The following EDN3 variants were observed in gnomAD, a reference collection of about 807,000 sequenced individuals.
EDN3 encodes the protein endothelin 3, also known as endothelin-3.
EDN3 carries 9 observed loss-of-function variants against 21.4 expected under a neutral mutation model. That is an observed-to-expected ratio of 0.42 (90% CI 0.25 to 0.73). The LOEUF (loss-of-function observed/expected upper bound fraction) is 0.73, where lower values mean the gene tolerates loss of function less well. EDN3 is among the 30% of genes least tolerant of loss of function. EDN3 has a pLI of 0.26. For missense variants in EDN3, 327 were observed against 309.4 expected (o/e 1.06, Z -0.43); for synonymous variants, 133 against 126.2 (o/e 1.05, Z -0.36).
chr20:59,322,582 G>A lies in EDN3; in HGVS notation c.588+165G>A, dbSNP rs529367146. 29 of 966,184 alleles carry A rather than the reference G, an allele frequency of 3.0e-5. No homozygotes were observed. Among genetic ancestry groups the A allele is most frequent in the Middle Eastern group, 3.0e-4 (1 of 3,286 alleles). 59.9% of individuals were successfully genotyped at this position (966,184 alleles called of 1,614,324 possible). A position where few individuals can be genotyped will look rare whatever the true frequency, so the allele number is the denominator to read the frequency against. On this transcript the variant is annotated intron_variant, in intron 4 of 4. Coordinates refer to ENST00000337938, the MANE Select transcript of EDN3 (RefSeq NM_207034.3). The surrounding 1 kb of genome is among the most constrained non-coding windows in gnomAD (Gnocchi z 4.1). ...ACCCACAAGCAATGGTGCCTTTGGTGGACCGTTTCTGGGGGCAGAGCGGGC... is the reference window on the plus strand; with the variant it reads ...ACCCACAAGCAATGGTGCCTTTGGTAGACCGTTTCTGGGGGCAGAGCGGGC...
intron 2 of EDN3, among the ~76,000 whole-genome samples, chr20:59,306,567 T>C (rs930313223): frequency 8.6e-5 from 12 of 138,780 alleles, no homozygotes; most frequent in African/African-American, 2.8e-4. Context: ...TTCTTTTGAG[T>C]TTTTTTCTCC....
chr20:59,315,189 A>G (rs1990097087), intron 2 of EDN3, among the ~76,000 whole-genome samples: 1 of 152,180 alleles, frequency 6.6e-6, no homozygotes, highest in Non-Finnish European at 1.5e-5. Context: ...TCTGAAATTG[A>G]GCTGTAGTTA....
chr20:59,320,523 C>G (rs950270136), intron 2 of EDN3, among the ~76,000 whole-genome samples: 1 of 152,182 alleles, frequency 6.6e-6, no homozygotes, highest in Non-Finnish European at 1.5e-5. Flanking sequence ...CTCGGCTTTC[C>G]ATGGAATGAG....
At chr20:59,324,162 C>G (rs555404954) in intron 4 of EDN3, among the ~76,000 whole-genome samples, 169 bp from the exon 5 acceptor site, 1 of 152,150 alleles carries the variant, frequency 6.6e-6, no homozygotes, top group Non-Finnish European at 1.5e-5. Context: ...GTGGTAGGCT[C>G]GGAAATTGCT....
intron 1 of EDN3, 64 bp downstream of exon 1, chr20:59,300,928 G>A (rs1177840411): frequency 8.9e-6 from 14 of 1,571,126 alleles, no homozygotes; most frequent in Non-Finnish European, 1.2e-5. Context: ...CAGGGCGGGG[G>A]ACCCGAGGCG....
chr20:59,314,703 C>T (rs776193905), intron 2 of EDN3, among the ~76,000 whole-genome samples: 6 of 152,090 alleles, frequency 3.9e-5, no homozygotes, highest in Non-Finnish European at 7.3e-5. Flanking sequence ...CCCCAGAGAC[C>T]TCACACAATG....
At chr20:59,301,776 G>A (rs1000926248) in intron 2 of EDN3, 54 bp downstream of exon 2, 25 of 1,589,890 alleles carry the variant, frequency 1.6e-5, no homozygotes, top group Non-Finnish European at 2.0e-5. Context: ...GCCCACATCT[G>A]CTCATTCCCA....
chr20:59,323,487 A>G (rs1990669226), intron 4 of EDN3, among the ~76,000 whole-genome samples: 1 of 152,224 alleles, frequency 6.6e-6, no homozygotes, highest in Non-Finnish European at 1.5e-5. Flanking sequence ...TGCTGGGGAC[A>G]TAGCAGGAAC....
intron 2 of EDN3, among the ~76,000 whole-genome samples, chr20:59,302,015 T>A (rs1989082514): frequency 6.6e-6 from 1 of 152,156 alleles, no homozygotes; most frequent in Non-Finnish European, 1.5e-5. Context: ...GGGGATTAGA[T>A]ACCTGAGATG....
chr20:59,315,475 G>C (rs746725140), intron 2 of EDN3, among the ~76,000 whole-genome samples: 2 of 152,246 alleles, frequency 1.3e-5, no homozygotes, highest in Non-Finnish European at 2.9e-5. Context: ...TGTATCCTAA[G>C]TGTGACATGA....
chr20:59,301,863 G>T, intron 2 of EDN3, 141 bp downstream of exon 2: 1 of 987,998 alleles, frequency 1.0e-6, no homozygotes. Flanking sequence ...TCTTGCTGGG[G>T]CCTCTTGCCA....
intron 2 of EDN3, among the ~76,000 whole-genome samples, chr20:59,320,417 G>A (rs1990454336): frequency 6.6e-6 from 1 of 152,220 alleles, no homozygotes; most frequent in Non-Finnish European, 1.5e-5. Flanking sequence ...ATCTGATCAG[G>A]GCGAAGACCC....
At chr20:59,314,114 G>A (rs11570311) in intron 2 of EDN3, among the ~76,000 whole-genome samples, 122 of 152,338 alleles carry the variant, frequency 8.0e-4, no homozygotes, top group African/African-American at 2.7e-3. Context: ...ACACCTGGGG[G>A]AAAGGAGGGG....
At chr20:59,309,622 A>G (rs1989659938) in intron 2 of EDN3, among the ~76,000 whole-genome samples, 1 of 152,144 alleles carries the variant, frequency 6.6e-6, no homozygotes, top group African/African-American at 2.4e-5. Context: ...CCCCTCACAT[A>G]ACCATTTCTA....
intron 3 of EDN3, among the ~76,000 whole-genome samples, chr20:59,321,759 C>T (rs1990563039): frequency 6.6e-6 from 1 of 152,110 alleles, no homozygotes; most frequent in African/African-American, 2.4e-5. Context: ...CTTTGTAGCC[C>T]CTGGAGGCCC....
chr20:59,315,074 T>A (rs565292643), intron 2 of EDN3, among the ~76,000 whole-genome samples: 5 of 152,358 alleles, frequency 3.3e-5, no homozygotes, highest in Admixed American at 6.5e-5. Context: ...TGGTTCAGAT[T>A]ACAGATGGTA....
rs1289766793 is a variant in EDN3, at chr20:59,322,911, G to A, written c.588+494G>A. On this transcript the variant is annotated intron_variant, in intron 4 of 4. Transcript: ENST00000337938. This position sits in a 1 kb window ranked among gnomAD's most constrained non-coding sequence, Gnocchi z 4.1. ...AGCAGCTTGACAGCAGGGTCCCTTG[G>A]TTCTCCAGTTCATTGTATTATTTTT... Among the ~76,000 whole-genome samples, 1 of 151,736 alleles carries A rather than the reference G, an allele frequency of 6.6e-6. No individual in the cohort carries two copies. Among genetic ancestry groups the A allele is most frequent in the African/African-American group, 2.4e-5 (1 of 41,388 alleles).
At position 59,300,794 on chromosome 20, in the gene EDN3, C is replaced by A. The variant is rs375594972; in HGVS notation, c.-19C>A. 102 of 1,606,992 alleles carry A rather than the reference C, an allele frequency of 6.3e-5. No homozygotes were observed. In the East Asian group the frequency reaches 2.2e-3, roughly 34 times the overall value. On this transcript the variant is annotated 5_prime_UTR_variant, in exon 1 of 5. Transcript: ENST00000337938. Reference sequence around the variant, plus strand: ...CGGCCGTCCTCCTGGTCCGGTGCTCCGGCGCCTGATCTAGGTTCATGGAGC... The same window carrying A: ...CGGCCGTCCTCCTGGTCCGGTGCTCAGGCGCCTGATCTAGGTTCATGGAGC...
chr20:59,320,127 C>T (rs530288511), intron 2 of EDN3, among the ~76,000 whole-genome samples: 3 of 152,282 alleles, frequency 2.0e-5, no homozygotes, highest in South Asian at 2.1e-4. Context: ...CAACCATAAA[C>T]GAAATTGGTC....
Sources: gnomAD v4.1 joint callset for allele counts (sites outside exome capture counted in the v4.1 genomes callset) on GRCh38, gnomAD v4.1.1 for gene constraint, Gnocchi (gnomAD v3.1) non-coding constraint, MANE v1.5 for transcripts, NCBI Gene and HGNC (gene_info 2026-07-23, HGNC 2026-07-21) for gene names.